Variants in MDH1B observed in about 807,000 individuals in gnomAD.
MDH1B encodes putative malate dehydrogenase 1B.
MDH1B carries 60 observed loss-of-function variants against 61.4 expected under a neutral mutation model. The ratio of observed to expected loss-of-function variants is 0.98; its 90% CI spans 0.79 to 1.21. MDH1B has a LOEUF of 1.21. MDH1B is among the 50% of genes most tolerant of loss of function. MDH1B has a pLI of 0.00. For missense variants in MDH1B, 587 were observed against 632.1 expected, an observed-to-expected ratio of 0.93 and a Z score of 0.76; for synonymous variants, 236 against 218.7, an observed-to-expected ratio of 1.08 and a Z score of -0.70.
At position 206,755,505 on chromosome 2, in the gene MDH1B, A is replaced by G; in HGVS notation, c.414T>C (p.Ser138=). 6.2e-7 allele frequency: 1 copy of G among 1,608,024 alleles called. No individual in the cohort carries two copies. The highest frequency in any genetic ancestry group is 1.1e-5 in the South Asian group (1 of 90,074). ...CINPLQVWIT[S]ASAPACYNLI... ...GGTTGTAGCAGGCAGGAGCAGAGGC[A>G]CTGATAAAAATGCAAAGCCGCATTG... Residue 138 remains serine, a splice_region_variant and synonymous_variant, in exon 5 of 12, where the codon AGT becomes AGC. Coordinates refer to ENST00000374412, the MANE Select transcript of MDH1B (RefSeq NM_001039845.3).
intron 5 of MDH1B, among the ~76,000 whole-genome samples, chr2:206,752,434 C>T (rs1001701596): frequency 2.6e-5 from 4 of 152,054 alleles, no homozygotes; most frequent in South Asian, 2.1e-4. Context: ...GTGAGATTCC[C>T]GCCCCCATCG....
Position 206,756,977 on chromosome 2 carries a change from G to A in MDH1B, c.334C>T (p.Leu112=). The A allele has an allele frequency of 1.2e-6, 2 of 1,614,006 alleles. No individual in the cohort carries two copies. The highest frequency in any genetic ancestry group is 1.7e-6 in the Non-Finnish European group (2 of 1,179,944). Residue 112 remains leucine (L), a synonymous_variant, in exon 4 of 12, where the codon CTG becomes TTG. Coordinates refer to ENST00000374412, the MANE Select transcript of MDH1B (RefSeq NM_001039845.3). ...ELMMVIAQEN[L]GAHIEKEQEE... is the part of the protein sequence containing the mutation. Reference sequence around the variant, plus strand: ...TGCTCTTTTTCTATATGTGCCCCCAGGTTCTCTTGAGCAATTACCATCATC... The same window carrying A: ...TGCTCTTTTTCTATATGTGCCCCCAAGTTCTCTTGAGCAATTACCATCATC...
At chr2:206,745,869 G>A (rs1232360138) in intron 8 of MDH1B, among the ~76,000 whole-genome samples, 196 bp from the exon 9 acceptor site, 1 of 151,706 alleles carries the variant, frequency 6.6e-6, no homozygotes, top group Admixed American at 6.6e-5. Context: ...GAGTAGCTGG[G>A]ATTATAGGCA....
Position 206,757,318 on chromosome 2 carries a change from A to G in MDH1B, c.189T>C (p.Pro63=), listed in dbSNP as rs774507208. Residue 63 remains proline, a synonymous_variant, in exon 3 of 12, where the codon CCT becomes CCC. Coordinates refer to ENST00000374412, the MANE Select transcript of MDH1B (RefSeq NM_001039845.3). ...EKNKWSHKNS[P]IIWRELLDRG... ...GATCCAACAGCTCTCTCCAGATGAT[A>G]GGGGAATTCTTGTGACTCCACTTAT... 3 of 1,614,004 alleles carry G rather than the reference A, an allele frequency of 1.9e-6. No homozygotes were observed. The highest frequency in any genetic ancestry group is 2.5e-6 in the Non-Finnish European group (3 of 1,179,906).
Position 206,755,296 on chromosome 2 carries a change from G to A in MDH1B, c.623C>T (p.Ala208Val). The change falls in exon 5 of 12, where the codon GCC becomes GTC. Residue 208 changes from alanine (A) to valine (V), a missense_variant. Coordinates refer to ENST00000374412, the MANE Select transcript of MDH1B (RefSeq NM_001039845.3). ...GTCATCCAGCACCACAATGACGTGG[G>A]CCTGGCGGAAGGCCTCCTCCACCTT... ...CTKVEEAFRQ[A>V]HVIVVLDDST... 1.9e-6 allele frequency: 3 copies of A among 1,614,192 alleles called. No individual in the cohort carries two copies. The South Asian group carries it at 3.3e-5, about 18-fold the overall frequency.
In MDH1B at chr2:206,757,325, T is replaced by C; in HGVS notation, c.182A>G (p.Asn61Ser). Residue 61 changes from asparagine (N) to serine (S), a missense_variant, in exon 3 of 12, where the codon AAT (asparagine) becomes AGT (serine). Coordinates refer to ENST00000374412, the MANE Select transcript of MDH1B (RefSeq NM_001039845.3). ...CAGCTCTCTCCAGATGATAGGGGAA[T>C]TCTTGTGACTCCACTTATTCTTTTC... The part of the protein sequence containing the change: ...VCEKNKWSHK[N>S]SPIIWRELLD... The C allele has an allele frequency of 1.2e-6, 2 of 1,613,980 alleles. No homozygotes were observed. Among genetic ancestry groups the C allele is most frequent in the Middle Eastern group, 1.7e-4 (1 of 6,060 alleles).
intron 9 of MDH1B, among the ~76,000 whole-genome samples, chr2:206,741,711 A>C (rs1028161382): frequency 2.0e-5 from 3 of 152,168 alleles, no homozygotes; most frequent in Non-Finnish European, 1.5e-5. Flanking sequence ...TTTATACATA[A>C]GTATCCTATT....
At chr2:206,748,918 T>C (rs776426788) in intron 7 of MDH1B, 102 bp downstream of exon 7, 52 of 928,508 alleles carry the variant, frequency 5.6e-5, no homozygotes, top group Non-Finnish European at 8.5e-5. Flanking sequence ...AGGCAGCTAA[T>C]GGACCATGTT....
At position 206,765,239 on chromosome 2, in the gene MDH1B, G is replaced by T. The variant is rs144589732; in HGVS notation, c.22+11C>A. 15,658 of 1,601,560 alleles carry T rather than the reference G, an allele frequency of 9.8e-3. 110 individuals carry two copies. Among genetic ancestry groups the T allele is most frequent in the Non-Finnish European group, 0.011 (12,985 of 1,175,934 alleles). ...TTGAGCAATCTGCGGGCGGACGCGG[G>T]GATCACTCACCCGCGATGACGAATT... On this transcript the variant is annotated intron_variant, in intron 1 of 11. Coordinates refer to ENST00000374412, the MANE Select transcript of MDH1B (RefSeq NM_001039845.3).
intron 10 of MDH1B, 110 bp from the exon 11 acceptor site, chr2:206,739,771 G>A: frequency 2.2e-6 from 2 of 906,732 alleles, no homozygotes; most frequent in Non-Finnish European, 1.7e-6. Flanking sequence ...TTCTCTGAAT[G>A]CATTGCTCTC....
Position 206,746,430 on chromosome 2 carries a change from C to T in MDH1B, c.1217-4G>A. On this transcript the variant is annotated splice_polypyrimidine_tract_variant and splice_region_variant and intron_variant, in intron 7 of 11. Coordinates refer to ENST00000374412, the MANE Select transcript of MDH1B (RefSeq NM_001039845.3). ...CCTTTCGGAATACCAAACTGGCCTG[C>T]AGTGAGCAAACACAAAGCAAAGCAA... 2 of 1,607,412 alleles carry T rather than the reference C, an allele frequency of 1.2e-6. No individual in the cohort carries two copies. Among genetic ancestry groups the T allele is most frequent in the African/African-American group, 2.7e-5 (2 of 74,708 alleles).
chr2:206,750,694 T>G (rs1291622419), intron 6 of MDH1B, among the ~76,000 whole-genome samples: 2 of 152,162 alleles, frequency 1.3e-5, no homozygotes, highest in Non-Finnish European at 1.5e-5. Flanking sequence ...TAACCTTACT[T>G]GAATATATGA....
At chr2:206,760,082 T>C (rs764048042) in intron 2 of MDH1B, among the ~76,000 whole-genome samples, 2 of 152,156 alleles carry the variant, frequency 1.3e-5, no homozygotes, top group East Asian at 1.9e-4. Context: ...TGTGAACTGA[T>C]TATAGGGAGC....
At chr2:206,757,154 A>T (rs1414303858) in intron 3 of MDH1B, 83 bp downstream of exon 3, 22 of 1,523,234 alleles carry the variant, frequency 1.4e-5, no homozygotes, top group Non-Finnish European at 1.9e-5. Flanking sequence ...ACATGAGAGA[A>T]TGTCTCAGAA....
At chr2:206,741,248 T>C in intron 9 of MDH1B, 144 bp from the exon 10 acceptor site, 3 of 950,452 alleles carry the variant, frequency 3.2e-6, no homozygotes, top group South Asian at 3.2e-5. Context: ...TATAGTCCAA[T>C]GTGTACATTT....
chr2:206,760,207 C>T (rs1347336981), intron 2 of MDH1B, among the ~76,000 whole-genome samples: 1 of 152,168 alleles, frequency 6.6e-6, no homozygotes, highest in Non-Finnish European at 1.5e-5. Context: ...GTATTAGAGG[C>T]TGATAACTTA....
chr2:206,745,711 A>G (rs750800848), intron 8 of MDH1B, 38 bp from the exon 9 acceptor site: 1 of 1,370,480 alleles, frequency 7.3e-7, no homozygotes, highest in Admixed American at 2.0e-5. Flanking sequence ...AAATGACCAC[A>G]ATTCCTAACT....
intron 5 of MDH1B, among the ~76,000 whole-genome samples, chr2:206,752,160 G>C (rs6737947): frequency 0.12 from 18,782 of 152,182 alleles, 1,698 homozygotes; most frequent in African/African-American, 0.26. Flanking sequence ...TTGTGTTCAA[G>C]TATTACCCTA....
At chr2:206,746,610 C>A (rs111401429) in intron 7 of MDH1B, among the ~76,000 whole-genome samples, 184 bp from the exon 8 acceptor site, 2 of 152,118 alleles carry the variant, frequency 1.3e-5, no homozygotes, top group Non-Finnish European at 2.9e-5. Flanking sequence ...ATTGACTGAG[C>A]GACTATCCAA....
Sources: allele counts gnomAD v4.1 joint callset (sites outside exome capture counted in the v4.1 genomes callset), GRCh38; gene constraint gnomAD v4.1.1; transcripts MANE v1.5; gene names NCBI Gene and HGNC (gene_info 2026-07-23, HGNC 2026-07-21).